DIABLO: variants seen among roughly 807,000 people sequenced by gnomAD.
DIABLO encodes the protein diablo IAP-binding mitochondrial protein.
DIABLO carries 32 observed loss-of-function variants against 31.7 expected under a neutral mutation model. That is an observed-to-expected ratio of 1.01 (90% CI 0.76 to 1.35). The LOEUF (loss-of-function observed/expected upper bound fraction) is 1.35, where lower values mean the gene tolerates loss of function less well. Among genes scored for constraint, DIABLO ranks in the 40% most tolerant of loss-of-function variants. The pLI is 0.00. For missense variants in DIABLO, 316 were observed against 286.4 expected (o/e 1.10, Z -0.75); for synonymous variants, 132 against 103.2 (o/e 1.28, Z -1.69).
chr12:122,222,956 C>T (rs570453874), intron 2 of DIABLO, among the ~76,000 whole-genome samples: 1 of 152,020 alleles, frequency 6.6e-6, no homozygotes, highest in African/African-American at 2.4e-5. Flanking sequence ...AGAATACACC[C>T]GACAACCAAT....
intron 3 of DIABLO, chr12:122,217,519 A>T (rs1954241947): frequency 6.5e-6 from 1 of 154,262 alleles, no homozygotes; most frequent in African/African-American, 2.4e-5. Context: ...TCAAAAAAAA[A>T]AATTTATTAT....
intron 5 of DIABLO, among the ~76,000 whole-genome samples, chr12:122,211,176 G>A (rs998303716): frequency 7.3e-5 from 11 of 150,866 alleles, no homozygotes; most frequent in Admixed American, 7.3e-4. Context: ...GAGGCAGGTG[G>A]ACTGCCTTAG....
rs1225002468 is a variant in DIABLO, at chr12:122,218,220, T to A, written c.315+46A>T. 4 of 1,606,970 alleles carry A rather than the reference T, an allele frequency of 2.5e-6. 1 individual carries two copies. The highest frequency in any genetic ancestry group is 1.3e-5 in the African/African-American group (1 of 74,806). On this transcript the variant is annotated intron_variant, in intron 3 of 5. Transcript: ENST00000464942. ...ACACAATTTGGTTGTGAGCCATTAT[T>A]TGCTAAACCATGGTTTAGAAGATCA...
At chr12:122,211,607 C>T (rs1954090866) in intron 5 of DIABLO, among the ~76,000 whole-genome samples, 1 of 151,874 alleles carries the variant, frequency 6.6e-6, no homozygotes, top group Non-Finnish European at 1.5e-5. Flanking sequence ...TGGCTTGAGC[C>T]CAGGTCAAGG....
At position 122,218,250 on chromosome 12, in the gene DIABLO, T is replaced by C. The variant is rs184720347; in HGVS notation, c.315+16A>G. 3.8e-5 allele frequency: 62 copies of C among 1,613,926 alleles called. No individual in the cohort carries two copies. The highest frequency in any genetic ancestry group is 1.7e-6 in the Non-Finnish European group (2 of 1,179,902). ...AAACCATGGTTTAGAAGATCAAGAG[T>C]TAAGAGGAGACATACCTTAGTATAT... On this transcript the variant is annotated intron_variant, in intron 3 of 5. Transcript: ENST00000464942.
At chr12:122,209,411 C>G (rs1402130738) in intron 5 of DIABLO, among the ~76,000 whole-genome samples, 1 of 151,676 alleles carries the variant, frequency 6.6e-6, no homozygotes, top group Non-Finnish European at 1.5e-5. Context: ...TGCCTGTAAT[C>G]CTAGCACTTT....
intron 5 of DIABLO, among the ~76,000 whole-genome samples, chr12:122,214,051 C>T (rs764926634): frequency 2.7e-4 from 41 of 152,128 alleles, no homozygotes; most frequent in Non-Finnish European, 5.3e-4. Flanking sequence ...CACCACTGCA[C>T]TCCAGCCTGG....
At chr12:122,212,967 C>T (rs988648773) in intron 5 of DIABLO, among the ~76,000 whole-genome samples, 15 of 151,728 alleles carry the variant, frequency 9.9e-5, no homozygotes, top group Non-Finnish European at 1.8e-4. Flanking sequence ...GTCAACCAGG[C>T]TGGGGTACAC....
At position 122,209,041 on chromosome 12, in the gene DIABLO, T is replaced by C. The variant is rs930960251; in HGVS notation, c.524-464A>G. ...ATGTAACAGCATAAAAGGTATTAAA[T>C]ATGTTTTATAATTTTTTCACTTAAA... On this transcript the variant is annotated intron_variant, in intron 5 of 5. Transcript: ENST00000464942. 77 of 296,778 alleles carry C rather than the reference T, an allele frequency of 2.6e-4. 1 individual carries two copies. The highest frequency in any genetic ancestry group is 2.2e-3 in the South Asian group (75 of 33,366). The allele number at this position is 296,778 out of a possible 1,614,324, so 18.4% of individuals were successfully genotyped here. A position where few individuals can be genotyped will look rare whatever the true frequency, so the allele number is the denominator to read the frequency against.
At chr12:122,209,784 G>C (rs1024928461) in intron 5 of DIABLO, 7 of 703,332 alleles carry the variant, frequency 1.0e-5, no homozygotes, top group African/African-American at 8.7e-5. Flanking sequence ...GCATTAACAA[G>C]AACCTTCAGG....
At chr12:122,221,732 T>C (rs938994757) in intron 2 of DIABLO, 8 of 152,108 alleles carry the variant, frequency 5.3e-5, no homozygotes, top group African/African-American at 1.4e-4. Context: ...GGAAGTGGCA[T>C]TGCTGTACTA....
chr12:122,223,806 T>C (rs988878666), intron 2 of DIABLO, among the ~76,000 whole-genome samples: 1 of 152,180 alleles, frequency 6.6e-6, no homozygotes, highest in African/African-American at 2.4e-5. Flanking sequence ...CTCATTTGTT[T>C]TGTTTTGTTT....
At chr12:122,226,332 C>T (rs1369365432), upstream of DIABLO, 2 of 664,244 alleles carry the variant, frequency 3.0e-6, no homozygotes, top group East Asian at 5.5e-5. Context: ...TCAGTTCGGG[C>T]CAGGGCTTGA....
chr12:122,207,759 A>G lies in DIABLO; in HGVS notation c.*622T>C, dbSNP rs1217348643. Reference sequence around the variant, plus strand: ...ATAGAGAAACGGAAAGAAAGGAAGGAACAAGAGGCCTGTGTTAAGTCCTGT... The same window carrying G: ...ATAGAGAAACGGAAAGAAAGGAAGGGACAAGAGGCCTGTGTTAAGTCCTGT... On this transcript the variant is annotated 3_prime_UTR_variant, in exon 6 of 6. Coordinates refer to ENST00000464942, the MANE Select transcript of DIABLO (RefSeq NM_001371333.1). 2.1e-6 allele frequency: 1 copy of G among 480,888 alleles called. No homozygotes were observed. The highest frequency in any genetic ancestry group is 4.1e-6 in the Non-Finnish European group (1 of 245,294). The allele number at this position is 480,888 out of a possible 1,614,324, so 29.8% of individuals were successfully genotyped here. A position where few individuals can be genotyped will look rare whatever the true frequency, so the allele number is the denominator to read the frequency against.
At chr12:122,215,974 G>T (rs1406598233) in intron 5 of DIABLO, among the ~76,000 whole-genome samples, 4 of 150,980 alleles carry the variant, frequency 2.6e-5, no homozygotes, top group Non-Finnish European at 5.9e-5. Flanking sequence ...CGAATGATCT[G>T]GCCCATCTGC....
In DIABLO at chr12:122,216,469, A is replaced by G. The variant is rs767491775; in HGVS notation, c.523+19T>C. The G allele has an allele frequency of 6.9e-6, 11 of 1,604,860 alleles. No individual in the cohort carries two copies. The highest frequency in any genetic ancestry group is 3.3e-4 in the Middle Eastern group (2 of 6,070). ...GTTAAAAAATTAAAAAAAAAACCCAACACAAAACTTGAACCTACCAGTTTG... is the reference window on the plus strand; with the variant it reads ...GTTAAAAAATTAAAAAAAAAACCCAGCACAAAACTTGAACCTACCAGTTTG... On this transcript the variant is annotated intron_variant, in intron 5 of 5. Transcript: ENST00000464942.
intron 1 of DIABLO, chr12:122,225,494 C>A: frequency 9.7e-7 from 1 of 1,033,502 alleles, no homozygotes; most frequent in African/African-American, 1.7e-5. Context: ...GGCCTGGGTG[C>A]CAGTTGTGTG....
intron 5 of DIABLO, among the ~76,000 whole-genome samples, chr12:122,215,045 C>T (rs772429107): frequency 6.6e-6 from 1 of 152,130 alleles, no homozygotes; most frequent in South Asian, 2.1e-4. Flanking sequence ...TTTGGTGAGC[C>T]GGCTGGGTGC....
intron 2 of DIABLO, among the ~76,000 whole-genome samples, chr12:122,223,459 T>C (rs888698033): frequency 6.6e-6 from 1 of 151,426 alleles, no homozygotes; most frequent in Non-Finnish European, 1.5e-5. Context: ...AAATATCTTC[T>C]GCGGCTTCTT....
Sources: gnomAD v4.1 joint callset for allele counts (sites outside exome capture counted in the v4.1 genomes callset) on GRCh38, gnomAD v4.1.1 for gene constraint, MANE v1.5 for transcripts, NCBI Gene and HGNC (gene_info 2026-07-23, HGNC 2026-07-21) for gene names.